Variants in INPP4B observed in about 807,000 individuals in gnomAD.
INPP4B encodes inositol polyphosphate 4-phosphatase type II.
A neutral mutation model predicts 122.5 loss-of-function variants in INPP4B; 55 were observed. That is an observed-to-expected ratio of 0.45 (90% CI 0.36 to 0.56). The LOEUF is 0.56. Among genes scored for constraint, INPP4B ranks in the 20% least tolerant of loss-of-function variants. The probability of loss-of-function intolerance (pLI) is 0.00; values close to 1 mark genes in which losing one functional copy is unlikely to be tolerated. For missense variants in INPP4B, 1,000 were observed against 1,097.7 expected (o/e 0.91, Z 1.26); for synonymous variants, 403 against 388.7 (o/e 1.04, Z -0.43).
chr4:142,067,395 A>C (rs1356057032), intron 25 of INPP4B, among the ~76,000 whole-genome samples: 1 of 152,220 alleles, frequency 6.6e-6, no homozygotes, highest in African/African-American at 2.4e-5. Context: ...AAAAGCTGAA[A>C]ATTCTAAAAA....
At chr4:142,552,632 G>C (rs1294611338) in intron 2 of INPP4B, among the ~76,000 whole-genome samples, 1 of 152,128 alleles carries the variant, frequency 6.6e-6, no homozygotes, top group Admixed American at 6.5e-5. Context: ...TTTGGAGAAA[G>C]AGGCAACATT....
chr4:142,294,037 A>C (rs971092541), intron 9 of INPP4B, among the ~76,000 whole-genome samples: 1 of 152,214 alleles, frequency 6.6e-6, no homozygotes, highest in African/African-American at 2.4e-5. Context: ...CTGGAGACTC[A>C]GAAGGGTAGG....
At chr4:142,191,648 G>A (rs1316968257) in intron 15 of INPP4B, among the ~76,000 whole-genome samples, 1 of 152,198 alleles carries the variant, frequency 6.6e-6, no homozygotes, top group Non-Finnish European at 1.5e-5. Context: ...TAATATTTGT[G>A]AGAAGGGTGT....
At chr4:142,373,785 ATAT>A (rs1790800004) in intron 7 of INPP4B, among the ~76,000 whole-genome samples, 1 of 152,012 alleles carries the variant, frequency 6.6e-6, no homozygotes, top group South Asian at 2.1e-4. Context: ...CATTTAGGAA[ATAT>A]TATCTTTGGC....
intron 2 of INPP4B, among the ~76,000 whole-genome samples, chr4:142,696,884 A>AAAGT (rs1761105095): frequency 6.6e-6 from 1 of 152,184 alleles, no homozygotes; most frequent in Admixed American, 6.5e-5. Flanking sequence ...ACTTGTTTTT[A>AAAGT]TAACAGTGCT....
chr4:142,060,582 C>T (rs553485840), intron 25 of INPP4B, among the ~76,000 whole-genome samples: 26 of 152,308 alleles, frequency 1.7e-4, no homozygotes, highest in African/African-American at 5.5e-4. Flanking sequence ...GGTTCCACCA[C>T]GTCTTAGCTG....
At position 142,373,257 on chromosome 4, in the gene INPP4B, G is replaced by A. The variant is rs1790574961; in HGVS notation, c.372+29681C>T. ...AAGCAGAAAGTGTTTGAGATGAATAGAGTAACAACATTTGACCTTTTAAGG... is the reference window on the plus strand; with the variant it reads ...AAGCAGAAAGTGTTTGAGATGAATAAAGTAACAACATTTGACCTTTTAAGG... On this transcript the variant is annotated intron_variant, in intron 7 of 25. Transcript: ENST00000262992. Among the ~76,000 whole-genome samples, 3 of 152,104 alleles carry A rather than the reference G, an allele frequency of 2.0e-5. No individual in the cohort carries two copies. The South Asian group carries it at 6.2e-4, about 32-fold the overall frequency.
chr4:142,811,636 A>G (rs1402234301), intron 1 of INPP4B, among the ~76,000 whole-genome samples: 1 of 152,244 alleles, frequency 6.6e-6, no homozygotes, highest in Non-Finnish European at 1.5e-5. Context: ...ATTCCTATTT[A>G]TAGCACTTGG....
chr4:142,057,673 G>T (rs1420034094), intron 25 of INPP4B, among the ~76,000 whole-genome samples: 1 of 151,962 alleles, frequency 6.6e-6, no homozygotes, highest in African/African-American at 2.4e-5. Flanking sequence ...ATCCAGAACT[G>T]GTACTATTCT....
intron 21 of INPP4B, among the ~76,000 whole-genome samples, chr4:142,121,504 T>C (rs1796532423): frequency 6.6e-6 from 1 of 152,102 alleles, no homozygotes; most frequent in Non-Finnish European, 1.5e-5. Flanking sequence ...GACCTCTGAT[T>C]GAGACAACTT....
chr4:142,606,554 T>TA (rs925781211), intron 2 of INPP4B, among the ~76,000 whole-genome samples: 2 of 151,694 alleles, frequency 1.3e-5, no homozygotes, highest in Admixed American at 6.6e-5. Context: ...AATAAAAGGG[T>TA]AAAAAAAGAA....
At chr4:142,245,772 G>A (rs9715621) in intron 11 of INPP4B, among the ~76,000 whole-genome samples, 87,947 of 113,148 alleles carry the variant, frequency 0.78, 34,672 homozygotes, top group East Asian at 0.92. Context: ...GTATATGTGT[G>A]TATATATATA....
chr4:142,237,847 T>C lies in INPP4B; in HGVS notation c.836+17A>G, dbSNP rs777316697. 4.2e-6 allele frequency: 6 copies of C among 1,432,240 alleles called. No homozygotes were observed. The South Asian group carries it at 5.4e-5, about 13-fold the overall frequency. The allele number at this position is 1,432,240 out of a possible 1,614,324, so 88.7% of individuals were successfully genotyped here. A position where few individuals can be genotyped will look rare whatever the true frequency, so the allele number is the denominator to read the frequency against. On this transcript the variant is annotated intron_variant, in intron 12 of 25. Coordinates refer to ENST00000262992, the MANE Select transcript of INPP4B (RefSeq NM_001101669.3). ...ATAAAATAATTAATATGAGAGAAAATAGTTATTTTCTCTTACCTGCACAAA... is the reference window on the plus strand; with the variant it reads ...ATAAAATAATTAATATGAGAGAAAACAGTTATTTTCTCTTACCTGCACAAA...
At chr4:142,305,238 T>A (rs749131089) in intron 9 of INPP4B, among the ~76,000 whole-genome samples, 1 of 152,206 alleles carries the variant, frequency 6.6e-6, no homozygotes, top group Non-Finnish European at 1.5e-5. Context: ...TATTGTTTTT[T>A]TCTTATAAGG....
At chr4:142,738,924 A>G (rs1767476060) in intron 1 of INPP4B, among the ~76,000 whole-genome samples, 1 of 152,118 alleles carries the variant, frequency 6.6e-6, no homozygotes, top group African/African-American at 2.4e-5. Flanking sequence ...TTTCTTAGCT[A>G]TCAAGTATTC....
At position 142,314,739 on chromosome 4, in the gene INPP4B, T is replaced by C; in HGVS notation, c.396A>G (p.Glu132=). 8.1e-6 allele frequency: 13 copies of C among 1,599,572 alleles called. No individual in the cohort carries two copies. The highest frequency in any genetic ancestry group is 1.0e-5 in the Non-Finnish European group (12 of 1,174,446). ...HDTVRTSVLP[E]HKDPPPEVGR... ...CAACTTCTGGCGGGGGATCCTTATG[T>C]TCTGGTAGGACACTGGTTCGAACCT... Residue 132 remains glutamate, a synonymous_variant, in exon 8 of 26, where the codon GAA becomes GAG. Transcript: ENST00000262992.
At chr4:142,448,757 G>A (rs1215913502) in intron 3 of INPP4B, among the ~76,000 whole-genome samples, 3 of 152,094 alleles carry the variant, frequency 2.0e-5, no homozygotes, top group Admixed American at 6.6e-5. Flanking sequence ...AGGTCCCTGT[G>A]CCCAATAACA....
At chr4:142,049,109 A>G (rs913831923) in intron 25 of INPP4B, among the ~76,000 whole-genome samples, 22 of 152,164 alleles carry the variant, frequency 1.4e-4, no homozygotes, top group Admixed American at 1.4e-3. Context: ...CAGCAAACCA[A>G]CATTATAGCA....
At chr4:142,324,084 T>A (rs576227818) in intron 7 of INPP4B, among the ~76,000 whole-genome samples, 1 of 152,184 alleles carries the variant, frequency 6.6e-6, no homozygotes, top group Admixed American at 6.5e-5. Context: ...GTAACTGGTG[T>A]CATTGTAAGA....
Sources: allele counts gnomAD v4.1 joint callset (sites outside exome capture counted in the v4.1 genomes callset), GRCh38; gene constraint gnomAD v4.1.1; transcripts MANE v1.5; gene names NCBI Gene and HGNC (gene_info 2026-07-23, HGNC 2026-07-21).